Variants in COL16A1 observed in about 807,000 individuals in gnomAD.
COL16A1 encodes the protein collagen alpha-1(XVI) chain.
Under a neutral mutation model 266.3 loss-of-function variants are expected in COL16A1, and 189 were observed. The observed-to-expected ratio is 0.71, with a 90% CI of 0.63 to 0.80. The LOEUF is 0.80. Ranked by LOEUF, COL16A1 falls within the 30% of genes least tolerant of loss-of-function variation. The probability of loss-of-function intolerance (pLI) is 0.00; values close to 1 mark genes in which losing one functional copy is unlikely to be tolerated. For synonymous variants in COL16A1, 740 were observed against 782.3 expected (o/e 0.95, Z 0.90); for missense variants, 1,928 against 2,122.4 (o/e 0.91, Z 1.80).
rs777920494 is a variant in COL16A1, at chr1:31,695,181, C to T, written c.981+5G>A. 6.2e-7 allele frequency: 1 copy of T among 1,613,884 alleles called. No individual in the cohort carries two copies. The highest frequency in any genetic ancestry group is 8.5e-7 in the Non-Finnish European group (1 of 1,179,948). ...CTCCACCCTGCACACCCTCCATTCA[C>T]TCACATTGCTGTCCCGGGCACCATG... On this transcript the variant is annotated splice_donor_5th_base_variant and intron_variant, in intron 11 of 70. Coordinates refer to ENST00000373672, the MANE Select transcript of COL16A1 (RefSeq NM_001856.4).
Position 31,661,478 on chromosome 1 carries a change from G to A in COL16A1, c.3727-20C>T. 1 of 1,614,230 alleles carries A rather than the reference G, an allele frequency of 6.2e-7. No homozygotes were observed. The highest frequency in any genetic ancestry group is 8.5e-7 in the Non-Finnish European group (1 of 1,180,044). On this transcript the variant is annotated intron_variant, in intron 59 of 70. Transcript: ENST00000373672. ...AAAGCCCTGAAAGAAAAAGCAGGGA[G>A]TTCTCATGTCCCTCATGTCAGCTGG...
intron 26 of COL16A1, among the ~76,000 whole-genome samples, chr1:31,687,578 G>T (rs1334441939): frequency 1.3e-5 from 2 of 151,620 alleles, no homozygotes. Flanking sequence ...AGTGGAGGGG[G>T]TGAGAGAGCC....
chr1:31,663,878 G>T lies in COL16A1; in HGVS notation c.3556-1220C>A, dbSNP rs1001717484. On this transcript the variant is annotated intron_variant, in intron 56 of 70. Transcript: ENST00000373672. The surrounding 1 kb of genome is among the most constrained non-coding windows in gnomAD (Gnocchi z 4.9). Reference sequence around the variant, plus strand: ...GGAGGCAAGCAGCATAGCGGGGAAGGTGGCTGCATTCTCCCAGTGTGGAGA... The same window carrying T: ...GGAGGCAAGCAGCATAGCGGGGAAGTTGGCTGCATTCTCCCAGTGTGGAGA... Among the ~76,000 whole-genome samples, 3 of 152,198 alleles carry T rather than the reference G, an allele frequency of 2.0e-5. No individual in the cohort carries two copies.
chr1:31,665,106 TG>T, intron 56 of COL16A1, 65 bp downstream of exon 56: 1 of 1,574,930 alleles, frequency 6.3e-7, no homozygotes, highest in East Asian at 2.3e-5. Context: ...ATGCTAGGGG[TG>T]GGACAGGGGC....
chr1:31,658,683 AG>A, intron 63 of COL16A1, 106 bp from the exon 64 acceptor site: 1 of 1,140,898 alleles, frequency 8.8e-7, no homozygotes, highest in Non-Finnish European at 1.3e-6. Flanking sequence ...CTACAGGGAG[AG>A]GTGGCACTGC....
At position 31,686,114 on chromosome 1, in the gene COL16A1, G is replaced by A; in HGVS notation, c.1861C>T (p.Pro621Ser). The A allele has an allele frequency of 6.2e-7, 1 of 1,614,128 alleles. No individual in the cohort carries two copies. Among genetic ancestry groups the A allele is most frequent in the East Asian group, 2.2e-5 (1 of 44,884 alleles). The change falls in exon 28 of 71, where the codon CCA (proline) becomes TCA (serine). Residue 621 changes from proline to serine, a missense_variant. This residue lies in a region of COL16A1 where 1,552 missense variants were observed against 1,637.2 expected (regional missense o/e 0.95). Coordinates refer to ENST00000373672, the MANE Select transcript of COL16A1 (RefSeq NM_001856.4). ...GSPGPPGPVGPAGIKGAKGEP... is the reference protein window; with the variant it reads ...GSPGPPGPVGSAGIKGAKGEP... ...ACCTTCGCCCCTTTGATGCCTGCTG[G>A]CCCCACTGGTCCTGGTGGCCCCTGC... is the stretch of plus-strand genomic sequence containing the variant.
chr1:31,657,208 TG>T lies in COL16A1; in HGVS notation c.4021-141del. On this transcript the variant is annotated intron_variant, in intron 64 of 70. Coordinates refer to ENST00000373672, the MANE Select transcript of COL16A1 (RefSeq NM_001856.4). The surrounding 1 kb of genome is among the most constrained non-coding windows in gnomAD (Gnocchi z 6.4). ...CTCCAGCCCTCACCCTCTGACAATCTGGGCACAGGCCGTGGAAACTTAGACC... is the reference window on the plus strand; with the variant it reads ...CTCCAGCCCTCACCCTCTGACAATCTGGCACAGGCCGTGGAAACTTAGACC... 1 of 1,070,642 alleles carries T rather than the reference TG, an allele frequency of 9.3e-7. No homozygotes were observed. The highest frequency in any genetic ancestry group is 1.4e-6 in the Non-Finnish European group (1 of 708,580). 66.3% of individuals were successfully genotyped at this position (1,070,642 alleles called of 1,614,324 possible). A position where few individuals can be genotyped will look rare whatever the true frequency, so the allele number is the denominator to read the frequency against.
At position 31,668,897 on chromosome 1, in the gene COL16A1, C is replaced by A. The variant is rs1642387830; in HGVS notation, c.3196-42G>T. 1 of 1,545,032 alleles carries A rather than the reference C, an allele frequency of 6.5e-7. No individual in the cohort carries two copies. Among genetic ancestry groups the A allele is most frequent in the Non-Finnish European group, 8.8e-7 (1 of 1,130,486 alleles). ...ATGAGAAACTGCAGGAGCCGGCGGTCCCCACCCAGCCCCTGACTCCTTCCC... is the reference window on the plus strand; with the variant it reads ...ATGAGAAACTGCAGGAGCCGGCGGTACCCACCCAGCCCCTGACTCCTTCCC... On this transcript the variant is annotated intron_variant, in intron 49 of 70. Transcript: ENST00000373672. This position sits in a 1 kb window ranked among gnomAD's most constrained non-coding sequence, Gnocchi z 5.8.
rs750014881 is a variant in COL16A1, at chr1:31,683,329, C to T, written c.2415+5G>A. 53 of 1,614,100 alleles carry T rather than the reference C, an allele frequency of 3.3e-5. 1 individual carries two copies. Among genetic ancestry groups the T allele is most frequent in the South Asian group, 1.2e-4 (11 of 91,092 alleles). On this transcript the variant is annotated splice_donor_5th_base_variant and intron_variant, in intron 35 of 70. Coordinates refer to ENST00000373672, the MANE Select transcript of COL16A1 (RefSeq NM_001856.4). ...TATCCTCCTTCAGGACTCAGGCAGA[C>T]GTACCTGAATGCCAGGCAAACCCGG...
At position 31,671,660 on chromosome 1, in the gene COL16A1, C is replaced by T. The variant is rs1201484880; in HGVS notation, c.3106-1G>A. The T allele has an allele frequency of 1.9e-6, 3 of 1,613,936 alleles. No individual in the cohort carries two copies. The highest frequency in any genetic ancestry group is 1.7e-6 in the Non-Finnish European group (2 of 1,180,012). Reference sequence around the variant, plus strand: ...GGGAGCCCCTCATGCCAGGCGGACCCTGCAAAGGAAGCCAAGGGAAATGGA... The same window carrying T: ...GGGAGCCCCTCATGCCAGGCGGACCTTGCAAAGGAAGCCAAGGGAAATGGA... On this transcript the variant is annotated splice_acceptor_variant, in intron 47 of 70. Transcript: ENST00000373672. LOFTEE classifies it high-confidence loss of function.
chr1:31,684,808 G>A lies in COL16A1; in HGVS notation c.2052+13C>T. The stretch of plus-strand genomic sequence containing the variant: ...TGCCATGCCCACCCCCGTGCCCACG[G>A]ACGCCCTCTCACCTTCTGCCCCTTC... On this transcript the variant is annotated intron_variant, in intron 30 of 70. Transcript: ENST00000373672. The A allele has an allele frequency of 6.2e-7, 1 of 1,614,064 alleles. No individual in the cohort carries two copies. Among genetic ancestry groups the A allele is most frequent in the Non-Finnish European group, 8.5e-7 (1 of 1,180,004 alleles).
chr1:31,683,129 C>T lies in COL16A1; in HGVS notation c.2469+65G>A, dbSNP rs151268478. ...AGGCATCACTTGGCCCCCATGTCCC[C>T]TGTGCCTGCTTCTGGGACACTCTGG... On this transcript the variant is annotated intron_variant, in intron 36 of 70. Transcript: ENST00000373672. 2.6e-4 allele frequency: 427 copies of T among 1,611,920 alleles called. No homozygotes were observed. The East Asian group carries it at 9.0e-3, about 34-fold the overall frequency.
intron 67 of COL16A1, 54 bp downstream of exon 67, chr1:31,655,260 C>T: frequency 6.4e-7 from 1 of 1,553,908 alleles, no homozygotes; most frequent in Middle Eastern, 2.3e-4. Flanking sequence ...CGAGCTCCAC[C>T]CCACATGCCT....
Position 31,665,656 on chromosome 1 carries a change from C to A in COL16A1, c.3457-38G>T. 6.2e-7 allele frequency: 1 copy of A among 1,608,678 alleles called. No individual in the cohort carries two copies. The highest frequency in any genetic ancestry group is 8.5e-7 in the Non-Finnish European group (1 of 1,177,054). ...GCAAGGGGCAGTGTGCTGTGCCACC[C>A]CCTCTCTCCTGCCTGGCTGCCCAGG... On this transcript the variant is annotated intron_variant, in intron 54 of 70. Transcript: ENST00000373672.
Position 31,657,359 on chromosome 1 carries a change from C to A in COL16A1, c.4021-291G>T. On this transcript the variant is annotated intron_variant, in intron 64 of 70. Transcript: ENST00000373672. The surrounding 1 kb of genome is among the most constrained non-coding windows in gnomAD (Gnocchi z 6.4). Reference sequence around the variant, plus strand: ...TGTGCTTGGATCCTGGCACCTTGCACACTCCCTGGCTCTGAATCTATGTTA... The same window carrying A: ...TGTGCTTGGATCCTGGCACCTTGCAAACTCCCTGGCTCTGAATCTATGTTA... 2.0e-6 allele frequency: 1 copy of A among 495,202 alleles called. No individual in the cohort carries two copies. Among genetic ancestry groups the A allele is most frequent in the Non-Finnish European group, 3.6e-6 (1 of 274,590 alleles). 30.7% of individuals were successfully genotyped at this position (495,202 alleles called of 1,614,324 possible).
Position 31,688,894 on chromosome 1 carries a change from C to G in COL16A1, c.1734G>C (p.Val578=). The G allele has an allele frequency of 6.2e-7, 1 of 1,614,112 alleles. No homozygotes were observed. The highest frequency in any genetic ancestry group is 8.5e-7 in the Non-Finnish European group (1 of 1,179,982). ...CAGGCAGACCAAAGCCAGGGGAACC[C>G]ACATCTCCACTGGCCCCTGTGGAGG... ...LVSSTGASGD[V]GSPGFGLPGL... Residue 578 remains valine (V), a synonymous_variant, in exon 25 of 71, where the codon GTG becomes GTC. Transcript: ENST00000373672. The surrounding 1 kb of genome is among the most constrained non-coding windows in gnomAD (Gnocchi z 4.9).
intron 23 of COL16A1, chr1:31,689,356 G>T: frequency 1.7e-6 from 1 of 597,524 alleles, no homozygotes; most frequent in Admixed American, 3.0e-5. Flanking sequence ...GCTCCCAGGT[G>T]CTCCTGAAAG....
chr1:31,685,992 A>G lies in COL16A1; in HGVS notation c.1884+99T>C. ...GCTAAGGAGTCAGACTCTGCCCGACAGACAGCAAGGAGCCCCAGAGGGTTC... is the reference window on the plus strand; with the variant it reads ...GCTAAGGAGTCAGACTCTGCCCGACGGACAGCAAGGAGCCCCAGAGGGTTC... On this transcript the variant is annotated intron_variant, in intron 28 of 70. Coordinates refer to ENST00000373672, the MANE Select transcript of COL16A1 (RefSeq NM_001856.4). The surrounding 1 kb of genome is among the most constrained non-coding windows in gnomAD (Gnocchi z 4.0). 2 of 1,553,984 alleles carry G rather than the reference A, an allele frequency of 1.3e-6. No homozygotes were observed. Among genetic ancestry groups the G allele is most frequent in the Non-Finnish European group, 1.7e-6 (2 of 1,145,486 alleles).
intron 48 of COL16A1, 100 bp downstream of exon 48, chr1:31,671,515 C>A: frequency 6.7e-7 from 1 of 1,486,864 alleles, no homozygotes; most frequent in Non-Finnish European, 9.3e-7. Context: ...CCTCCTCCTG[C>A]CTTGCCCAGC....
Sources: gnomAD v4.1 joint callset for allele counts (sites outside exome capture counted in the v4.1 genomes callset) on GRCh38, gnomAD v4.1.1 for gene constraint, gnomAD v4.1.1 regional missense constraint, Gnocchi (gnomAD v3.1) non-coding constraint, MANE v1.5 for transcripts, NCBI Gene and HGNC (gene_info 2026-07-23, HGNC 2026-07-21) for gene names.